CDIN1: variants seen among roughly 807,000 people sequenced by gnomAD.
CDIN1 encodes the protein CDAN1 interacting nuclease 1.
A neutral mutation model predicts 45.3 loss-of-function variants in CDIN1; 33 were observed. The ratio of observed to expected loss-of-function variants is 0.73; its 90% CI spans 0.55 to 0.97. The LOEUF is 0.97. CDIN1 is among the 50% of genes least tolerant of loss of function. The pLI is 0.00. For missense variants in CDIN1, 303 were observed against 339.4 expected, an observed-to-expected ratio of 0.89 and a Z score of 0.84; for synonymous variants, 118 against 124.4, an observed-to-expected ratio of 0.95 and a Z score of 0.34.
chr15:36,619,174 G>C, intron 1 of CDIN1: 1 of 1,235,008 alleles, frequency 8.1e-7, no homozygotes, highest in Non-Finnish European at 1.2e-6. Flanking sequence ...AAAAATCAGG[G>C]AACAGAGATG....
At chr15:36,784,496 T>G (rs1344286086) in intron 10 of CDIN1, among the ~76,000 whole-genome samples, 1 of 152,230 alleles carries the variant, frequency 6.6e-6, no homozygotes, top group East Asian at 1.9e-4. Context: ...GTTTAAAAGG[T>G]GTAATAATCA....
intron 1 of CDIN1, among the ~76,000 whole-genome samples, chr15:36,598,587 T>A (rs1370403935): frequency 6.6e-6 from 1 of 152,104 alleles, no homozygotes; most frequent in African/African-American, 2.4e-5. Context: ...TGCCCCCAGA[T>A]AAAACATTTT....
intron 3 of CDIN1, among the ~76,000 whole-genome samples, chr15:36,651,972 A>G (rs760835567): frequency 5.3e-5 from 8 of 152,222 alleles, no homozygotes; most frequent in Non-Finnish European, 1.0e-4. Context: ...ACATGAAGCC[A>G]TGTCATTTTG....
intron 10 of CDIN1, among the ~76,000 whole-genome samples, chr15:36,757,481 G>A (rs998549913): frequency 6.6e-6 from 1 of 152,158 alleles, no homozygotes; most frequent in Non-Finnish European, 1.5e-5. Context: ...CAAGGTTTCA[G>A]TTACCTGTGG....
At chr15:36,800,275 G>C (rs1397625597) in intron 10 of CDIN1, among the ~76,000 whole-genome samples, 1 of 151,982 alleles carries the variant, frequency 6.6e-6, no homozygotes, top group Non-Finnish European at 1.5e-5. Context: ...TCTTTCTTTG[G>C]TCATTTCAGT....
At chr15:36,805,337 G>A (rs1338669409) in intron 10 of CDIN1, among the ~76,000 whole-genome samples, 2 of 152,114 alleles carry the variant, frequency 1.3e-5, no homozygotes, top group African/African-American at 4.8e-5. Flanking sequence ...AGGGAGGGCT[G>A]CAATCTCAGT....
intron 10 of CDIN1, among the ~76,000 whole-genome samples, chr15:36,800,873 G>A (rs1975711): frequency 0.81 from 57,311 of 70,624 alleles, 23,483 homozygotes; most frequent in East Asian, 0.95. Context: ...GTGTGTGTGT[G>A]TATATATGTG....
At chr15:36,589,031 C>A (rs983095851) in intron 1 of CDIN1, among the ~76,000 whole-genome samples, 3 of 151,966 alleles carry the variant, frequency 2.0e-5, no homozygotes, top group African/African-American at 7.3e-5. Flanking sequence ...TAAGTAATAA[C>A]CCTTACCAGA....
At chr15:36,671,240 G>A (rs558361225) in intron 5 of CDIN1, among the ~76,000 whole-genome samples, 11 of 152,212 alleles carry the variant, frequency 7.2e-5, no homozygotes, top group South Asian at 2.1e-4. Context: ...CACCAGTCAC[G>A]AAACCATTCA....
intron 8 of CDIN1, chr15:36,705,542 T>C (rs1213377362): frequency 6.6e-6 from 1 of 152,166 alleles, no homozygotes; most frequent in Non-Finnish European, 1.5e-5. Flanking sequence ...ATTTAACTTC[T>C]CTAGGCCAGT....
intron 7 of CDIN1, among the ~76,000 whole-genome samples, chr15:36,696,862 A>T (rs2042445039): frequency 6.6e-6 from 1 of 151,592 alleles, no homozygotes; most frequent in Non-Finnish European, 1.5e-5. Context: ...CTGTAATCCC[A>T]GCACTTTGAG....
intron 8 of CDIN1, among the ~76,000 whole-genome samples, chr15:36,699,315 C>T (rs1341121955): frequency 1.3e-5 from 2 of 151,918 alleles, no homozygotes; most frequent in Non-Finnish European, 2.9e-5. Flanking sequence ...TATAAATACC[C>T]CTTCACAGAG....
At chr15:36,667,281 T>C (rs948916079) in intron 5 of CDIN1, among the ~76,000 whole-genome samples, 1 of 152,198 alleles carries the variant, frequency 6.6e-6, no homozygotes, top group African/African-American at 2.4e-5. Flanking sequence ...TTTAAGTGCT[T>C]GTGTAATTCA....
chr15:36,607,413 C>G (rs1342517197), intron 1 of CDIN1, among the ~76,000 whole-genome samples: 1 of 151,796 alleles, frequency 6.6e-6, no homozygotes, highest in Non-Finnish European at 1.5e-5. Context: ...TGAGAAATAC[C>G]CAATTTATTA....
intron 10 of CDIN1, among the ~76,000 whole-genome samples, chr15:36,788,106 A>ATATATATATT (rs1343541345): frequency 2.0e-5 from 1 of 50,552 alleles, no homozygotes; most frequent in African/African-American, 7.7e-5. Context: ...ATATATATAT[A>ATATATATATT]TTTTTTTTTT....
intron 1 of CDIN1, among the ~76,000 whole-genome samples, chr15:36,622,466 C>T (rs1242719317): frequency 1.3e-5 from 2 of 152,110 alleles, no homozygotes; most frequent in Non-Finnish European, 2.9e-5. Context: ...GGAGCAGGGC[C>T]CAGCAGTCAG....
intron 10 of CDIN1, among the ~76,000 whole-genome samples, chr15:36,774,195 A>G (rs948257324): frequency 4.8e-5 from 7 of 146,748 alleles, no homozygotes; most frequent in East Asian, 2.0e-4. Context: ...GGGAGACACA[A>G]TCATAGCCCC....
At chr15:36,734,504 A>G in intron 10 of CDIN1, 1 of 307,762 alleles carries the variant, frequency 3.2e-6, no homozygotes, top group South Asian at 3.1e-5. Flanking sequence ...GGTTAACCTG[A>G]CTCTGTGCTA....
intron 10 of CDIN1, among the ~76,000 whole-genome samples, chr15:36,804,384 G>T (rs2055154396): frequency 6.6e-6 from 1 of 152,104 alleles, no homozygotes; most frequent in Admixed American, 6.6e-5. Flanking sequence ...GACTCGCACT[G>T]ATTCAATAAC....
Sources: allele counts gnomAD v4.1 joint callset (sites outside exome capture counted in the v4.1 genomes callset), GRCh38; gene constraint gnomAD v4.1.1; transcripts MANE v1.5; gene names NCBI Gene and HGNC (gene_info 2026-07-23, HGNC 2026-07-21).